Variants in ADAMTSL1 observed in about 807,000 individuals in gnomAD.
ADAMTSL1 encodes the protein ADAMTS-like protein 1.
ADAMTSL1 carries 126 observed loss-of-function variants against 201.8 expected under a neutral mutation model. The observed-to-expected ratio is 0.62, with a 90% CI of 0.54 to 0.72. ADAMTSL1 has a LOEUF of 0.72. Ranked by LOEUF, ADAMTSL1 falls within the 30% of genes least tolerant of loss-of-function variation. The pLI, the probability that ADAMTSL1 is intolerant of heterozygous loss-of-function variation, is 0.00. For missense variants in ADAMTSL1, 2,679 were observed against 2,277.8 expected, an observed-to-expected ratio of 1.18 and a Z score of -3.59; for synonymous variants, 1,121 against 903.4, an observed-to-expected ratio of 1.24 and a Z score of -4.32.
chr9:18,319,447 G>A (rs539532845), intron 2 of ADAMTSL1, among the ~76,000 whole-genome samples: 1 of 152,170 alleles, frequency 6.6e-6, no homozygotes, highest in Non-Finnish European at 1.5e-5. Flanking sequence ...ATGAACTATA[G>A]TAATAATATT....
intron 1 of ADAMTSL1, among the ~76,000 whole-genome samples, chr9:18,478,029 G>T (rs1441131020): frequency 1.3e-5 from 2 of 152,120 alleles, no homozygotes; most frequent in African/African-American, 2.4e-5. Flanking sequence ...GTATGTATTT[G>T]TGCATTTGTA....
intron 8 of ADAMTSL1, 51 bp downstream of exon 8, chr9:18,657,801 T>G: frequency 1.4e-6 from 2 of 1,446,382 alleles, no homozygotes; most frequent in Middle Eastern, 1.7e-4. Flanking sequence ...GAGGAAATAC[T>G]TGGGTATTAT....
At chr9:18,191,329 A>C (rs1026986307) in intron 2 of ADAMTSL1, among the ~76,000 whole-genome samples, 1 of 152,272 alleles carries the variant, frequency 6.6e-6, no homozygotes, top group East Asian at 1.9e-4. Context: ...TGTCTTGTCC[A>C]GCCACCCTCA....
intron 7 of ADAMTSL1, among the ~76,000 whole-genome samples, chr9:18,641,526 C>T (rs367699773): frequency 2.6e-5 from 4 of 152,120 alleles, no homozygotes; most frequent in Admixed American, 1.3e-4. Flanking sequence ...TGGTCCAGAA[C>T]GCTTTTAATA....
At chr9:18,669,707 G>T (rs1587849463) in intron 9 of ADAMTSL1, among the ~76,000 whole-genome samples, 1 of 152,134 alleles carries the variant, frequency 6.6e-6, no homozygotes. Context: ...TCAAGCTGTG[G>T]CCCAGTAAGC....
chr9:18,235,064 T>C (rs1227504085), intron 2 of ADAMTSL1, among the ~76,000 whole-genome samples: 1 of 152,136 alleles, frequency 6.6e-6, no homozygotes, highest in Non-Finnish European at 1.5e-5. Context: ...AAATCCTAAA[T>C]GTTTTTCTGA....
intron 2 of ADAMTSL1, among the ~76,000 whole-genome samples, chr9:18,185,671 TAAAA>T (rs1193053358): frequency 6.6e-6 from 1 of 152,008 alleles, no homozygotes; most frequent in Non-Finnish European, 1.5e-5. Context: ...GAGAAATTAT[TAAAA>T]AAACACTAGC....
chr9:18,207,884 A>C (rs1218066732), intron 2 of ADAMTSL1, among the ~76,000 whole-genome samples: 2 of 152,186 alleles, frequency 1.3e-5, no homozygotes, highest in Non-Finnish European at 2.9e-5. Flanking sequence ...TACTAAAAAA[A>C]AACAAGATAG....
intron 1 of ADAMTSL1, among the ~76,000 whole-genome samples, chr9:18,076,233 T>C (rs1006149225): frequency 6.6e-6 from 1 of 152,196 alleles, no homozygotes; most frequent in African/African-American, 2.4e-5. Context: ...ATGGGAAATA[T>C]TGGAAATATT....
chr9:18,744,108 G>A (rs1818996191), intron 15 of ADAMTSL1, among the ~76,000 whole-genome samples: 1 of 152,222 alleles, frequency 6.6e-6, no homozygotes, highest in Non-Finnish European at 1.5e-5. Flanking sequence ...AGGATGAAGT[G>A]AGATAACATA....
At position 17,931,899 on chromosome 9, in the gene ADAMTSL1, A is replaced by C. The variant is rs1034444970; in HGVS notation, c.87+24977A>C. On this transcript the variant is annotated intron_variant, in intron 1 of 29. Coordinates refer to the ADAMTSL1 transcript ENST00000680146. ...AATCCTTACAGCAGTGCTGATTGGC[A>C]ACAAGATGGTGAATAATCATCTTCC... Among the ~76,000 whole-genome samples the C allele has an allele frequency of 3.3e-5, 5 of 152,288 alleles. 1 individual carries two copies. In the South Asian group the frequency reaches 1.0e-3, roughly 32 times the overall value.
At chr9:18,394,021 A>G (rs949179919) in intron 2 of ADAMTSL1, among the ~76,000 whole-genome samples, 9 of 152,254 alleles carry the variant, frequency 5.9e-5, no homozygotes, top group African/African-American at 1.9e-4. Context: ...GATGATGATC[A>G]TGGAAAGTAA....
intron 2 of ADAMTSL1, among the ~76,000 whole-genome samples, chr9:18,311,431 C>T (rs972879883): frequency 1.3e-5 from 2 of 152,014 alleles, no homozygotes; most frequent in Non-Finnish European, 2.9e-5. Context: ...TCAAATAGCA[C>T]GTCAATGTGT....
chr9:17,989,729 T>C lies in ADAMTSL1; in HGVS notation c.87+82807T>C, dbSNP rs116087182. ...TCGTAGGCAAAATATTTACTTGTTT[T>C]AATGGGTATTTGTTTATTTCTAGAA... On this transcript the variant is annotated intron_variant, in intron 1 of 29. Coordinates refer to the ADAMTSL1 transcript ENST00000680146. Among the ~76,000 whole-genome samples, 1,265 of 152,122 alleles carry C rather than the reference T, an allele frequency of 8.3e-3. 21 individuals carry two copies. The highest frequency in any genetic ancestry group is 0.029 in the African/African-American group (1,210 of 41,558).
At chr9:18,214,382 C>T (rs1191717650) in intron 2 of ADAMTSL1, among the ~76,000 whole-genome samples, 1 of 152,124 alleles carries the variant, frequency 6.6e-6, no homozygotes, top group Non-Finnish European at 1.5e-5. Context: ...TCACCCAAAG[C>T]AATGATATTC....
Position 18,756,821 on chromosome 9 carries a change from A to G in ADAMTSL1, c.2217+3313A>G, listed in dbSNP as rs180992136. ...AACTCTCTCTCCTCTCTGTGTGAAC[A>G]CAGTGTTACCACTGACCTCATGTGT... On this transcript the variant is annotated intron_variant, in intron 16 of 28. Coordinates refer to ENST00000380548, the MANE Select transcript of ADAMTSL1 (RefSeq NM_001040272.6). Among the ~76,000 whole-genome samples, 13 of 152,310 alleles carry G rather than the reference A, an allele frequency of 8.5e-5. 1 individual carries two copies. The highest frequency in any genetic ancestry group is 6.5e-4 in the Admixed American group (10 of 15,306).
intron 6 of ADAMTSL1, 78 bp from the exon 7 acceptor site, chr9:18,639,176 C>T (rs1289372381): frequency 9.8e-6 from 14 of 1,424,428 alleles, no homozygotes; most frequent in Non-Finnish European, 1.4e-5. Context: ...TAGCTCTAAA[C>T]ATTGTTGCAT....
intron 2 of ADAMTSL1, among the ~76,000 whole-genome samples, chr9:18,446,342 A>G (rs1248284568): frequency 6.6e-6 from 1 of 152,252 alleles, no homozygotes; most frequent in Non-Finnish European, 1.5e-5. Flanking sequence ...TCGTGCTGGT[A>G]TACTTGGTTT....
chr9:18,209,605 T>C (rs932404094), intron 2 of ADAMTSL1, among the ~76,000 whole-genome samples: 2 of 152,206 alleles, frequency 1.3e-5, no homozygotes, highest in African/African-American at 4.8e-5. Context: ...TTAATTATCA[T>C]AGCTTTTCTA....
Sources: allele counts gnomAD v4.1 joint callset (sites outside exome capture counted in the v4.1 genomes callset), GRCh38; gene constraint gnomAD v4.1.1; transcripts MANE v1.5; gene names NCBI Gene and HGNC (gene_info 2026-07-23, HGNC 2026-07-21).